RMDN1: variants seen among roughly 807,000 people sequenced by gnomAD.
RMDN1 encodes regulator of microtubule dynamics 1.
Under a neutral mutation model 48.9 loss-of-function variants are expected in RMDN1, and 48 were observed. The observed-to-expected ratio is 0.98, with a 90% CI of 0.78 to 1.25. RMDN1 has a LOEUF of 1.25. Among genes scored for constraint, RMDN1 ranks in the 50% most tolerant of loss-of-function variants. The pLI, the probability that RMDN1 is intolerant of heterozygous loss-of-function variation, is 0.00. For missense variants in RMDN1, 418 were observed against 373.4 expected (o/e 1.12, Z -0.98); for synonymous variants, 148 against 132.6 (o/e 1.12, Z -0.80).
upstream of RMDN1, among the ~76,000 whole-genome samples, chr8:86,511,986 T>G (rs1164766668): frequency 2.6e-5 from 4 of 152,198 alleles, no homozygotes; most frequent in East Asian, 3.8e-4. Context: ...CCAGGTGGTG[T>G]TTTATTTCTA....
At chr8:86,470,376 T>TCAC (rs1812436492), downstream of RMDN1, 2 of 1,288,446 alleles carry the variant, frequency 1.6e-6, no homozygotes, top group Non-Finnish European at 2.0e-6. Context: ...TGGGGAAACG[T>TCAC]CACGGACCAA....
At chr8:86,484,683 A>G in intron 5 of RMDN1, 189 bp downstream of exon 5, 1 of 400,180 alleles carries the variant, frequency 2.5e-6, no homozygotes, top group Non-Finnish European at 4.5e-6. Flanking sequence ...GCACCATTGC[A>G]CTCTAGCCCG....
At chr8:86,481,620 G>GA (rs1814474395) in intron 5 of RMDN1, 1 of 111,092 alleles carries the variant, frequency 9.0e-6, no homozygotes, top group Non-Finnish European at 1.8e-5. Flanking sequence ...AAAGTCATTT[G>GA]AAAAACACTG....
chr8:86,477,724 A>G (rs1157576040), intron 7 of RMDN1, among the ~76,000 whole-genome samples: 1 of 152,202 alleles, frequency 6.6e-6, no homozygotes, highest in Admixed American at 6.5e-5. Context: ...TTAAGAGTCC[A>G]TTATTATTGA....
chr8:86,469,913 T>G (rs1812399735), downstream of RMDN1, among the ~76,000 whole-genome samples: 2 of 152,208 alleles, frequency 1.3e-5, no homozygotes, highest in Non-Finnish European at 2.9e-5. Context: ...CTCTTGATCC[T>G]TACAATTCCA....
At chr8:86,484,792 A>G in intron 5 of RMDN1, 80 bp downstream of exon 5, 1 of 749,892 alleles carries the variant, frequency 1.3e-6, no homozygotes, top group Non-Finnish European at 2.2e-6. Context: ...TTTGATATAC[A>G]GCAATAGATA....
At chr8:86,489,952 C>G (rs555422366) in intron 2 of RMDN1, among the ~76,000 whole-genome samples, 12 of 151,598 alleles carry the variant, frequency 7.9e-5, no homozygotes, top group Non-Finnish European at 1.5e-4. Context: ...AATAATTATA[C>G]TAGTTAAGAA....
intron 2 of RMDN1, chr8:86,503,703 A>G (rs1168474690): frequency 6.3e-6 from 3 of 472,624 alleles, no homozygotes; most frequent in Non-Finnish European, 8.4e-6. Flanking sequence ...GAATTTATCA[A>G]TAACACTTTG....
chr8:86,483,712 AT>A (rs1814963383), intron 5 of RMDN1, among the ~76,000 whole-genome samples: 1 of 152,170 alleles, frequency 6.6e-6, no homozygotes, highest in Admixed American at 6.5e-5. Context: ...AAACCATAAA[AT>A]TATGAAAAAC....
chr8:86,510,893 C>T (rs1820019073), upstream of RMDN1, among the ~76,000 whole-genome samples: 2 of 152,112 alleles, frequency 1.3e-5, no homozygotes, highest in Non-Finnish European at 1.5e-5. Context: ...GAGGCCAAAT[C>T]GGGAGAACAG....
upstream of RMDN1, among the ~76,000 whole-genome samples, chr8:86,509,149 G>A (rs1484001121): frequency 6.6e-6 from 1 of 152,042 alleles, no homozygotes; most frequent in Admixed American, 6.5e-5. Flanking sequence ...TCGACTGAGC[G>A]ACTCAAGGGG....
Position 86,508,578 on chromosome 8 carries a change from G to A in RMDN1, c.43C>T (p.Arg15Cys), listed in dbSNP as rs765620304. The A allele has an allele frequency of 6.2e-7, 1 of 1,603,704 alleles. No individual in the cohort carries two copies. Among genetic ancestry groups the A allele is most frequent in the Non-Finnish European group, 8.5e-7 (1 of 1,176,706 alleles). Reference protein sequence around the residue: ...ARLWRLLPFRRGAAPGSRLPA... With the variant: ...ARLWRLLPFRCGAAPGSRLPA... ...AGACGAGACCCCGGGGCGGCTCCAC[G>A]TCGGAAAGGCAGAAGGCGCCACAGT... The change falls in exon 1 of 10, where the codon CGT becomes TGT. Residue 15 changes from arginine (R) to cysteine (C), a missense_variant. Arg to Cys is a radical substitution (Grantham distance 180, BLOSUM62 -3). Coordinates refer to ENST00000406452, the MANE Select transcript of RMDN1 (RefSeq NM_016033.3).
Position 86,482,391 on chromosome 8 carries a change from ACT to A in RMDN1, c.586-2061_586-2060del, listed in dbSNP as rs566216900. On this transcript the variant is annotated intron_variant, in intron 5 of 9. Transcript: ENST00000406452. ...CACCCCAGCCTGGGCAACAGAGGAG[ACT>A]CTGTCTCAAACAAAAAAAAGAAAGG... 658 of 399,344 alleles carry A rather than the reference ACT, an allele frequency of 1.6e-3. 1 individual carries two copies. Among genetic ancestry groups the A allele is most frequent in the Non-Finnish European group, 2.4e-3 (516 of 212,974 alleles). 24.7% of individuals were successfully genotyped at this position (399,344 alleles called of 1,614,324 possible).
chr8:86,483,329 C>T (rs1175817195), intron 5 of RMDN1, among the ~76,000 whole-genome samples: 1 of 151,912 alleles, frequency 6.6e-6, no homozygotes, highest in African/African-American at 2.4e-5. Flanking sequence ...TTCTACAGTT[C>T]TTCATTATTC....
intron 5 of RMDN1, among the ~76,000 whole-genome samples, chr8:86,480,935 AAT>A (rs1257676895): frequency 2.0e-5 from 3 of 152,142 alleles, no homozygotes; most frequent in Non-Finnish European, 4.4e-5. Flanking sequence ...TGCAATGTAA[AAT>A]ATGTTGAATC....
chr8:86,498,877 T>A (rs1179883003), intron 2 of RMDN1, among the ~76,000 whole-genome samples: 1 of 150,604 alleles, frequency 6.6e-6, no homozygotes, highest in East Asian at 2.0e-4. Context: ...ACCACAAAAG[T>A]AGGCTTTATT....
chr8:86,477,432 G>A, intron 7 of RMDN1, 108 bp from the exon 8 acceptor site: 1 of 855,424 alleles, frequency 1.2e-6, no homozygotes, highest in Non-Finnish European at 1.8e-6. Flanking sequence ...AAGTCAGGAA[G>A]TAAATCATCT....
At chr8:86,494,736 T>C (rs1367152021) in intron 2 of RMDN1, 6 of 233,300 alleles carry the variant, frequency 2.6e-5, no homozygotes, top group African/African-American at 1.4e-4. Flanking sequence ...ATGCCTGTAA[T>C]TCCAGACTTT....
At chr8:86,470,399 G>A (rs1269127764), downstream of RMDN1, 1 of 1,283,672 alleles carries the variant, frequency 7.8e-7, no homozygotes, top group South Asian at 1.2e-5. Flanking sequence ...TGACACGTGG[G>A]GAATCAGGCT....
Sources: gnomAD v4.1 joint callset for allele counts (sites outside exome capture counted in the v4.1 genomes callset) on GRCh38, gnomAD v4.1.1 for gene constraint, MANE v1.5 for transcripts, NCBI Gene and HGNC (gene_info 2026-07-23, HGNC 2026-07-21) for gene names.